The following SLC19A2 variants were observed in gnomAD, a reference collection of about 807,000 sequenced individuals.
The protein encoded by SLC19A2 is solute carrier family 19 member 2, also known as thiamine transporter 1.
SLC19A2 carries 27 observed loss-of-function variants against 44.7 expected under a neutral mutation model. The observed-to-expected ratio is 0.60, with a 90% confidence interval of 0.45 to 0.83. SLC19A2 has a LOEUF of 0.83. Ranked by LOEUF, SLC19A2 falls within the 40% of genes least tolerant of loss-of-function variation. The pLI is 0.00. For missense variants in SLC19A2, 566 were observed against 613.7 expected (o/e 0.92, Z 0.82); for synonymous variants, 239 against 243.6 (o/e 0.98, Z 0.18).
In SLC19A2 at chr1:169,477,713, C is replaced by G; in HGVS notation, c.249G>C (p.Val83=). 1 of 1,612,448 alleles carries G rather than the reference C, an allele frequency of 6.2e-7. No homozygotes were observed. Among genetic ancestry groups the G allele is most frequent in the Non-Finnish European group, 8.5e-7 (1 of 1,179,672 alleles). ...IYPVWTYSYL[V]LLFPVFLATD... ...TGGCAAGGAACACAGGAAACAGTAGCACCAGGTAAGAGTAAGTCCATACTG... is the reference window on the plus strand; with the variant it reads ...TGGCAAGGAACACAGGAAACAGTAGGACCAGGTAAGAGTAAGTCCATACTG... Residue 83 remains valine, a synonymous_variant, in exon 2 of 6, where the codon GTG becomes GTC. Coordinates refer to ENST00000236137, the MANE Select transcript of SLC19A2 (RefSeq NM_006996.3).
At chr1:169,485,345 C>A (rs942171203) in intron 1 of SLC19A2, among the ~76,000 whole-genome samples, 1 of 152,236 alleles carries the variant, frequency 6.6e-6, no homozygotes, top group Non-Finnish European at 1.5e-5. Flanking sequence ...GGCCTCTGGA[C>A]GCGTGTTCTG....
intron 2 of SLC19A2, among the ~76,000 whole-genome samples, chr1:169,472,824 T>C (rs1658220749): frequency 6.6e-6 from 1 of 152,362 alleles, no homozygotes; most frequent in South Asian, 2.1e-4. Flanking sequence ...AATCACACTT[T>C]ATAAAGTAGC....
Position 169,465,726 on chromosome 1 carries a change from TG to T in SLC19A2, c.*122del. The T allele has an allele frequency of 9.8e-7, 1 of 1,016,050 alleles. No homozygotes were observed. The highest frequency in any genetic ancestry group is 1.6e-5 in the African/African-American group (1 of 63,512). 62.9% of individuals were successfully genotyped at this position (1,016,050 alleles called of 1,614,324 possible). The stretch of plus-strand genomic sequence containing the variant: ...CCCGGAACACAAGGTATTAGTCAAG[TG>T]GCTGCTGTGAAGTCAAGAAATGCAC... On this transcript the variant is annotated 3_prime_UTR_variant, in exon 6 of 6. Transcript: ENST00000236137.
intron 2 of SLC19A2, among the ~76,000 whole-genome samples, chr1:169,475,391 T>C (rs1027934883): frequency 6.6e-6 from 1 of 152,278 alleles, no homozygotes; most frequent in African/African-American, 2.4e-5. Context: ...AGGTTTTCTA[T>C]GTAAAATGTT....
intron 1 of SLC19A2, among the ~76,000 whole-genome samples, chr1:169,480,472 C>T (rs1010839403): frequency 2.0e-5 from 3 of 151,980 alleles, no homozygotes; most frequent in African/African-American, 7.3e-5. Flanking sequence ...GTCACCATGC[C>T]GGGCCAATTT....
chr1:169,466,025 T>G (rs888935416), intron 5 of SLC19A2, 48 bp from the exon 6 acceptor site: 1 of 1,606,780 alleles, frequency 6.2e-7, no homozygotes, highest in Non-Finnish European at 8.5e-7. Flanking sequence ...ACAAGAGGAT[T>G]ACTCTATAAT....
At chr1:169,481,788 T>C (rs1658449687) in intron 1 of SLC19A2, among the ~76,000 whole-genome samples, 1 of 152,266 alleles carries the variant, frequency 6.6e-6, no homozygotes, top group Non-Finnish European at 1.5e-5. Context: ...GGAAAACAGA[T>C]GTTCATTTTT....
intron 3 of SLC19A2, chr1:169,469,100 G>A (rs1270532446): frequency 6.8e-6 from 3 of 438,614 alleles, no homozygotes; most frequent in Non-Finnish European, 1.2e-5. Context: ...ACATTGCTAA[G>A]GAAAAAAAAT....
At position 169,485,567 on chromosome 1, in the gene SLC19A2, C is replaced by CT. The variant is rs768461862; in HGVS notation, c.199dup (p.Arg67LysfsTer6). The CT allele has an allele frequency of 1.3e-6, 2 of 1,584,928 alleles. No homozygotes were observed. Among genetic ancestry groups the CT allele is most frequent in the African/African-American group, 2.7e-5 (2 of 74,148 alleles). The stretch of plus-strand genomic sequence containing the variant: ...CCCCGCGTCCGCCGCGCGTACCTCC[C>CT]TCTCGGTCAGGTTCTTGTCCGGCCC... On this transcript the variant is annotated frameshift_variant, in exon 1 of 6. Transcript: ENST00000236137. LOFTEE classifies it high-confidence loss of function.
intron 4 of SLC19A2, 90 bp from the exon 5 acceptor site, chr1:169,468,342 A>T: frequency 8.7e-7 from 1 of 1,153,890 alleles, no homozygotes; most frequent in Non-Finnish European, 1.2e-6. Context: ...ATTTATCTTT[A>T]AACATGAAGA....
chr1:169,482,565 T>C (rs1425044379), intron 1 of SLC19A2, among the ~76,000 whole-genome samples: 1 of 152,068 alleles, frequency 6.6e-6, no homozygotes, highest in African/African-American at 2.4e-5. Context: ...GATCCTCAGC[T>C]CTCCAGGAGT....
chr1:169,469,332 T>C, intron 3 of SLC19A2: 1 of 186,780 alleles, frequency 5.4e-6, no homozygotes, highest in Non-Finnish European at 1.1e-5. Flanking sequence ...AGAAATCATA[T>C]AACACCATCC....
Position 169,466,691 on chromosome 1 carries a change from ACCC to A in SLC19A2, c.1366-717_1366-715del, listed in dbSNP as rs554714714. On this transcript the variant is annotated intron_variant, in intron 5 of 5. Transcript: ENST00000236137. ...AATGCTCTCCCTTCCCTTGCCTCCCACCCCCCAACAGGCCCCAATGTGTGTTGT... is the reference window on the plus strand; with the variant it reads ...AATGCTCTCCCTTCCCTTGCCTCCCACCCAACAGGCCCCAATGTGTGTTGT... Among the ~76,000 whole-genome samples the A allele has an allele frequency of 9.4e-5, 14 of 149,706 alleles. No individual in the cohort carries two copies. In the South Asian group the frequency reaches 2.6e-3, roughly 27 times the overall value.
At position 169,485,728 on chromosome 1, in the gene SLC19A2, C is replaced by T; in HGVS notation, c.39G>A (p.Ala13=). Reference sequence around the variant, plus strand: ...TCCGCAGGAGCACAGTGGCCGCCGCCGCCGCCGCCCGCCGAGACACCGGGC... The same window carrying T: ...TCCGCAGGAGCACAGTGGCCGCCGCTGCCGCCGCCCGCCGAGACACCGGGC... ...VPGPVSRRAA[A]AAATVLLRTA... is the part of the protein sequence containing the mutation. The change falls in exon 1 of 6, where the codon GCG becomes GCA. Residue 13 remains alanine (A), a synonymous_variant. Coordinates refer to ENST00000236137, the MANE Select transcript of SLC19A2 (RefSeq NM_006996.3). 1 of 1,530,152 alleles carries T rather than the reference C, an allele frequency of 6.5e-7. No individual in the cohort carries two copies. The highest frequency in any genetic ancestry group is 8.7e-7 in the Non-Finnish European group (1 of 1,143,028). The allele number at this position is 1,530,152 out of a possible 1,614,324, so 94.8% of individuals were successfully genotyped here.
chr1:169,469,558 G>C (rs752667141), intron 3 of SLC19A2, among the ~76,000 whole-genome samples: 6 of 152,110 alleles, frequency 3.9e-5, no homozygotes, highest in Non-Finnish European at 8.8e-5. Context: ...TGAGGATTGA[G>C]TTAATGTATA....
At chr1:169,482,410 A>T (rs904320121) in intron 1 of SLC19A2, among the ~76,000 whole-genome samples, 4 of 151,842 alleles carry the variant, frequency 2.6e-5, no homozygotes, top group East Asian at 3.9e-4. Flanking sequence ...GAGTAGTGGC[A>T]CAAGCCTATA....
rs990954337 is a variant in SLC19A2, at chr1:169,464,991, T to A, written c.*858A>T. The A allele has an allele frequency of 6.6e-6, 1 of 152,314 alleles. No individual in the cohort carries two copies. The highest frequency in any genetic ancestry group is 1.5e-5 in the Non-Finnish European group (1 of 68,034). The allele number at this position is 152,314 out of a possible 1,614,324, so 9.4% of individuals were successfully genotyped here. On this transcript the variant is annotated 3_prime_UTR_variant, in exon 6 of 6. Transcript: ENST00000236137. Reference sequence around the variant, plus strand: ...AAAGGGAATACAAATACAAATGGCCTAGTTACATCTTTAGCCTATATATGA... The same window carrying A: ...AAAGGGAATACAAATACAAATGGCCAAGTTACATCTTTAGCCTATATATGA...
intron 1 of SLC19A2, among the ~76,000 whole-genome samples, chr1:169,480,003 GTT>G (rs1658408407): frequency 6.6e-6 from 1 of 152,204 alleles, no homozygotes; most frequent in Non-Finnish European, 1.5e-5. Context: ...AAAGTGATCT[GTT>G]TAATGGCCTC....
chr1:169,475,374 TA>T (rs1475097815), intron 2 of SLC19A2, among the ~76,000 whole-genome samples: 1 of 152,162 alleles, frequency 6.6e-6, no homozygotes, highest in East Asian at 1.9e-4. Context: ...CATACCTATG[TA>T]TGTACAGGTT....
Sources: allele counts gnomAD v4.1 joint callset (sites outside exome capture counted in the v4.1 genomes callset), GRCh38; gene constraint gnomAD v4.1.1; transcripts MANE v1.5; gene names NCBI Gene and HGNC (gene_info 2026-07-23, HGNC 2026-07-21).